Variants in RYR3 observed in about 807,000 individuals in gnomAD.
RYR3 encodes the protein brain ryanodine receptor-calcium release channel.
RYR3 carries 207 observed loss-of-function variants against 584.3 expected under a neutral mutation model. That is an observed-to-expected ratio of 0.35 (90% CI 0.32 to 0.40). The LOEUF is 0.40. Ranked by LOEUF, RYR3 falls within the 10% of genes least tolerant of loss-of-function variation. The pLI is 1.00. For synonymous variants in RYR3, 2,416 were observed against 2,248.5 expected, an observed-to-expected ratio of 1.07 and a Z score of -2.11; for missense variants, 5,616 against 6,089.2, an observed-to-expected ratio of 0.92 and a Z score of 2.59.
intron 37 of RYR3, among the ~76,000 whole-genome samples, chr15:33,669,848 G>A (rs1307191557): frequency 1.9e-5 from 1 of 51,882 alleles, no homozygotes; most frequent in Non-Finnish European, 4.8e-5. Context: ...GTGTGTGGGG[G>A]GGGGGGGGGG....
chr15:33,339,160 T>G (rs1205226683), intron 1 of RYR3, among the ~76,000 whole-genome samples: 1 of 152,172 alleles, frequency 6.6e-6, no homozygotes, highest in Non-Finnish European at 1.5e-5. Context: ...TACTGCACAC[T>G]CGGACCCACA....
intron 1 of RYR3, among the ~76,000 whole-genome samples, chr15:33,355,181 T>G (rs944464112): frequency 1.1e-4 from 6 of 54,114 alleles, no homozygotes; most frequent in African/African-American, 4.9e-4. Flanking sequence ...TGAAACTCCC[T>G]CAAAAAAAAA....
chr15:33,471,714 G>A (rs181566931), intron 1 of RYR3, among the ~76,000 whole-genome samples: 14 of 151,704 alleles, frequency 9.2e-5, no homozygotes, highest in Admixed American at 5.3e-4. Flanking sequence ...CTGGTTAACT[G>A]TGGTGGGGGA....
At chr15:33,743,239 G>A (rs527991459) in intron 52 of RYR3, among the ~76,000 whole-genome samples, 6 of 152,270 alleles carry the variant, frequency 3.9e-5, no homozygotes, top group African/African-American at 1.2e-4. Context: ...GGCTCAGCTC[G>A]TCCTTCCAGG....
chr15:33,826,551 A>G, intron 83 of RYR3, 121 bp from the exon 84 acceptor site: 11 of 928,662 alleles, frequency 1.2e-5, no homozygotes, highest in Non-Finnish European at 2.0e-5. Context: ...CCATTCATCC[A>G]AAGTTCCTTT....
chr15:33,440,912 A>G (rs1161393416), intron 1 of RYR3, among the ~76,000 whole-genome samples: 2 of 152,212 alleles, frequency 1.3e-5, no homozygotes, highest in Non-Finnish European at 2.9e-5. Flanking sequence ...CAGCAGTGAG[A>G]GTATTTGTGC....
At chr15:33,669,859 T>G (rs1188574345) in intron 37 of RYR3, among the ~76,000 whole-genome samples, 328 of 28,854 alleles carry the variant, frequency 0.011, 1 homozygote, top group African/African-American at 0.02. Context: ...GGGGGGGGGG[T>G]GTGGGTGTGT....
intron 43 of RYR3, among the ~76,000 whole-genome samples, chr15:33,710,540 C>T (rs1422929750): frequency 1.3e-5 from 2 of 151,994 alleles, no homozygotes; most frequent in Non-Finnish European, 2.9e-5. Context: ...CCCACAGCTC[C>T]ACTAGGCAGT....
intron 70 of RYR3, 47 bp downstream of exon 70, chr15:33,807,616 G>A: frequency 6.5e-7 from 1 of 1,540,826 alleles, no homozygotes; most frequent in Non-Finnish European, 8.8e-7. Flanking sequence ...AGTATTAGAG[G>A]TGCCGGGCTC....
intron 19 of RYR3, among the ~76,000 whole-genome samples, chr15:33,616,915 A>C (rs2060479658): frequency 6.6e-6 from 1 of 152,214 alleles, no homozygotes; most frequent in South Asian, 2.1e-4. Context: ...CAGGACCTGT[A>C]CTGGGGGCTA....
intron 1 of RYR3, among the ~76,000 whole-genome samples, chr15:33,344,654 C>T (rs1291447621): frequency 6.6e-6 from 1 of 152,096 alleles, no homozygotes; most frequent in Non-Finnish European, 1.5e-5. Context: ...ATTTCAGAGG[C>T]TGGTTCTGGG....
intron 42 of RYR3, among the ~76,000 whole-genome samples, chr15:33,704,308 A>G (rs965382848): frequency 6.6e-6 from 1 of 152,120 alleles, no homozygotes; most frequent in African/African-American, 2.4e-5. Context: ...AAAGAAAAAA[A>G]TCTGCTGAAA....
rs765087383 is a variant in RYR3 at position 33,785,870 on chromosome 15, A to G, written c.9477A>G (p.Pro3159=). The G allele has an allele frequency of 1.2e-6, 2 of 1,613,870 alleles. No individual in the cohort carries two copies. The highest frequency in any genetic ancestry group is 1.7e-6 in the Non-Finnish European group (2 of 1,179,862). Residue 3159 remains proline (P), a synonymous_variant, in exon 66 of 104, where the codon CCA becomes CCG. Transcript: ENST00000634891. ...GPENLPPSTG[P]CCTKVTSEHL... is the part of the protein sequence containing the mutation. The stretch of plus-strand genomic sequence containing the variant: ...AGAACCTGCCCCCCAGCACAGGGCC[A>G]TGCTGCACCAAGGTCACCTCTGAAC...
At chr15:33,416,259 A>C (rs1257170507) in intron 1 of RYR3, among the ~76,000 whole-genome samples, 1 of 152,154 alleles carries the variant, frequency 6.6e-6, no homozygotes, top group Non-Finnish European at 1.5e-5. Context: ...TTCTGTTTTT[A>C]GTTATTTAAG....
At chr15:33,708,667 A>G (rs908572693) in intron 43 of RYR3, among the ~76,000 whole-genome samples, 10 of 152,266 alleles carry the variant, frequency 6.6e-5, no homozygotes, top group Admixed American at 2.6e-4. Context: ...ATAGTGTTAT[A>G]TATATAAAGT....
intron 70 of RYR3, 58 bp downstream of exon 70, chr15:33,807,627 T>C (rs1475283654): frequency 6.7e-7 from 1 of 1,500,530 alleles, no homozygotes; most frequent in Admixed American, 2.0e-5. Flanking sequence ...TGCCGGGCTC[T>C]GGCCCCCTCT....
chr15:33,513,453 G>A (rs77302129), intron 3 of RYR3, among the ~76,000 whole-genome samples: 3,123 of 152,206 alleles, frequency 0.021, 99 homozygotes, highest in African/African-American at 0.072. Context: ...ATGATGACGT[G>A]GAATCGGTGG....
chr15:33,348,583 C>T (rs560568587), intron 1 of RYR3, among the ~76,000 whole-genome samples: 8 of 152,242 alleles, frequency 5.3e-5, no homozygotes, highest in Admixed American at 2.6e-4. Context: ...TCAAGCTATT[C>T]TCCTGCCTCA....
intron 1 of RYR3, among the ~76,000 whole-genome samples, chr15:33,366,418 A>C (rs1232522382): frequency 1.3e-5 from 2 of 152,192 alleles, no homozygotes; most frequent in African/African-American, 4.8e-5. Flanking sequence ...CATAATAAAA[A>C]AAGATCTGGA....
Sources: gnomAD v4.1 joint callset for allele counts (sites outside exome capture counted in the v4.1 genomes callset) on GRCh38, gnomAD v4.1.1 for gene constraint, MANE v1.5 for transcripts, NCBI Gene and HGNC (gene_info 2026-07-23, HGNC 2026-07-21) for gene names.